GABRG3: variants seen among roughly 807,000 people sequenced by gnomAD.
GABRG3 encodes gamma-aminobutyric acid receptor subunit gamma-3.
Under a neutral mutation model 48.8 loss-of-function variants are expected in GABRG3, and 25 were observed. That is an observed-to-expected ratio of 0.51 (90% CI 0.37 to 0.72). The LOEUF is 0.72. GABRG3 is among the 30% of genes least tolerant of loss of function. The pLI, the probability that GABRG3 is intolerant of heterozygous loss-of-function variation, is 0.00. For synonymous variants in GABRG3, 227 were observed against 217.6 expected (o/e 1.04, Z -0.38); for missense variants, 394 against 577.9 (o/e 0.68, Z 3.26).
intron 3 of GABRG3, among the ~76,000 whole-genome samples, chr15:27,238,677 T>C (rs1343511054): frequency 6.6e-6 from 1 of 152,262 alleles, no homozygotes; most frequent in African/African-American, 2.4e-5. Flanking sequence ...TACTTGTTAA[T>C]TCTGCATATA....
At chr15:27,419,441 A>G (rs2140609020) in intron 5 of GABRG3, among the ~76,000 whole-genome samples, 1 of 152,290 alleles carries the variant, frequency 6.6e-6, no homozygotes, top group East Asian at 1.9e-4. Context: ...ATTAAGGAAT[A>G]AATGGTTCCA....
intron 5 of GABRG3, among the ~76,000 whole-genome samples, chr15:27,445,805 A>C (rs901199213): frequency 3.3e-5 from 5 of 152,084 alleles, no homozygotes; most frequent in African/African-American, 1.2e-4. Context: ...TCCCATTTTG[A>C]ATTCATATTT....
At chr15:27,107,877 C>G (rs4558389) in intron 3 of GABRG3, among the ~76,000 whole-genome samples, 39,142 of 150,088 alleles carry the variant, frequency 0.26, 6,030 homozygotes, top group African/African-American at 0.42. Context: ...ATCTAGTATT[C>G]CCTTCTTTTA....
At chr15:27,381,775 T>C (rs1895785084) in intron 5 of GABRG3, among the ~76,000 whole-genome samples, 1 of 152,212 alleles carries the variant, frequency 6.6e-6, no homozygotes, top group Non-Finnish European at 1.5e-5. Context: ...CACTTTCTTA[T>C]ACGTAGGATC....
chr15:27,083,710 G>A (rs752847327), intron 3 of GABRG3, among the ~76,000 whole-genome samples: 1 of 152,096 alleles, frequency 6.6e-6, no homozygotes, highest in Non-Finnish European at 1.5e-5. Flanking sequence ...CCTCATGAAG[G>A]ATGTTGAAAT....
At chr15:27,366,739 C>T (rs1175925570) in intron 5 of GABRG3, among the ~76,000 whole-genome samples, 1 of 152,188 alleles carries the variant, frequency 6.6e-6, no homozygotes, top group Admixed American at 6.5e-5. Flanking sequence ...ATCATAAGCT[C>T]CTCCTACATC....
At chr15:26,998,262 T>A (rs1895376853) in intron 2 of GABRG3, among the ~76,000 whole-genome samples, 1 of 149,096 alleles carries the variant, frequency 6.7e-6, no homozygotes, top group Non-Finnish European at 1.5e-5. Flanking sequence ...ATCAAGAGCT[T>A]TGTTGTTTTC....
chr15:27,306,854 CAT>C (rs1161561804), intron 3 of GABRG3, among the ~76,000 whole-genome samples: 70 of 79,074 alleles, frequency 8.9e-4, no homozygotes, highest in African/African-American at 4.6e-3. Context: ...TATATATAAA[CAT>C]ACAATATAAA....
intron 3 of GABRG3, among the ~76,000 whole-genome samples, chr15:27,137,434 A>G (rs1408207710): frequency 1.3e-5 from 2 of 152,226 alleles, no homozygotes; most frequent in Non-Finnish European, 2.9e-5. Flanking sequence ...GCAGTTGATG[A>G]AAAAGTCTCC....
chr15:27,420,751 G>A (rs1385596186), intron 5 of GABRG3: 1 of 152,140 alleles, frequency 6.6e-6, no homozygotes, highest in Non-Finnish European at 1.5e-5. Flanking sequence ...AGAGGTGCAG[G>A]CAGGATACTT....
At chr15:27,484,814 TA>T (rs1890182068) in intron 6 of GABRG3, among the ~76,000 whole-genome samples, 1 of 152,134 alleles carries the variant, frequency 6.6e-6, no homozygotes, top group South Asian at 2.1e-4. Flanking sequence ...TGGTCAAAGC[TA>T]AAAATGTGAG....
Position 26,976,658 on chromosome 15 carries a change from T to G in GABRG3, c.54-344T>G, listed in dbSNP as rs540107831. Among the ~76,000 whole-genome samples, 1 of 152,268 alleles carries G rather than the reference T, an allele frequency of 6.6e-6. No individual in the cohort carries two copies. Among genetic ancestry groups the G allele is most frequent in the African/African-American group, 2.4e-5 (1 of 41,554 alleles). On this transcript the variant is annotated intron_variant, in intron 1 of 9. Coordinates refer to ENST00000615808, the MANE Select transcript of GABRG3 (RefSeq NM_033223.5). This position sits in a 1 kb window ranked among gnomAD's most constrained non-coding sequence, Gnocchi z 7.8. ...CCTCTAGAAGGTTTGTGCCTTGACC[T>G]TCACAGGCTATCGGGGTGGATCCAA...
At chr15:27,003,879 C>A (rs999614129) in intron 2 of GABRG3, among the ~76,000 whole-genome samples, 1 of 134,594 alleles carries the variant, frequency 7.4e-6, no homozygotes, top group African/African-American at 2.9e-5. Context: ...CCCTCCCAGA[C>A]GGGGCGGCTG....
chr15:27,280,429 C>G (rs1891397573), intron 3 of GABRG3: 1 of 152,110 alleles, frequency 6.6e-6, no homozygotes, highest in Non-Finnish European at 1.5e-5. Flanking sequence ...GGTGGTATGG[C>G]CATAGAATCT....
intron 7 of GABRG3, among the ~76,000 whole-genome samples, chr15:27,522,721 TATA>T (rs1435670610): frequency 6.6e-6 from 1 of 151,704 alleles, no homozygotes; most frequent in Non-Finnish European, 1.5e-5. Flanking sequence ...AATAGGAGCA[TATA>T]ATAATAATAA....
chr15:27,403,928 AC>A (rs1566825987), intron 5 of GABRG3, among the ~76,000 whole-genome samples: 9 of 107,520 alleles, frequency 8.4e-5, no homozygotes, highest in African/African-American at 2.7e-4. Flanking sequence ...AAAAAAAAAA[AC>A]AAAAAAAAAA....
At chr15:27,308,415 CAT>C (rs1163384387) in intron 3 of GABRG3, among the ~76,000 whole-genome samples, 2 of 144,668 alleles carry the variant, frequency 1.4e-5, no homozygotes, top group Admixed American at 6.9e-5. Context: ...CATATATAAA[CAT>C]GTAATGTAAA....
chr15:27,295,553 TA>T (rs143483168), intron 3 of GABRG3, among the ~76,000 whole-genome samples: 3,640 of 152,102 alleles, frequency 0.024, 138 homozygotes, highest in African/African-American at 0.082. Flanking sequence ...ATTCAAGTGA[TA>T]AAAAAAATTC....
At chr15:27,039,815 C>T (rs190241065) in intron 3 of GABRG3, among the ~76,000 whole-genome samples, 21 of 152,330 alleles carry the variant, frequency 1.4e-4, no homozygotes, top group African/African-American at 3.6e-4. Context: ...GCTGTCACCC[C>T]GCGGTCCGCC....
Sources: allele counts gnomAD v4.1 joint callset (sites outside exome capture counted in the v4.1 genomes callset), GRCh38; gene constraint gnomAD v4.1.1; non-coding constraint Gnocchi (gnomAD v3.1); transcripts MANE v1.5; gene names NCBI Gene and HGNC (gene_info 2026-07-23, HGNC 2026-07-21).